Variants in CWC27 observed in about 807,000 individuals in gnomAD.
The protein encoded by CWC27 is CWC27 spliceosome associated cyclophilin, also known as spliceosome-associated protein CWC27 homolog.
In CWC27, 47 loss-of-function variants were observed where a neutral mutation model predicts 63.6. The ratio of observed to expected loss-of-function variants is 0.74; its 90% CI spans 0.58 to 0.94. CWC27 has a LOEUF of 0.94. Among genes scored for constraint, CWC27 ranks in the 40% least tolerant of loss-of-function variants. CWC27 has a pLI of 0.00. For missense variants in CWC27, 495 were observed against 554.3 expected, an observed-to-expected ratio of 0.89 and a Z score of 1.07; for synonymous variants, 175 against 179.8, an observed-to-expected ratio of 0.97 and a Z score of 0.22.
At chr5:64,888,921 G>T (rs1747152751) in intron 11 of CWC27, among the ~76,000 whole-genome samples, 1 of 152,100 alleles carries the variant, frequency 6.6e-6, no homozygotes, top group Non-Finnish European at 1.5e-5. Flanking sequence ...TTAACCAAGG[G>T]ATCGAGGTAA....
chr5:64,946,168 G>A (rs1748589057), intron 11 of CWC27, among the ~76,000 whole-genome samples: 1 of 152,068 alleles, frequency 6.6e-6, no homozygotes, highest in Non-Finnish European at 1.5e-5. Flanking sequence ...AATCAATTGA[G>A]TAAAGTGAGG....
intron 11 of CWC27, among the ~76,000 whole-genome samples, chr5:64,891,821 GTCTC>G (rs1315748912): frequency 9.0e-6 from 1 of 111,452 alleles, no homozygotes; most frequent in Non-Finnish European, 2.1e-5. Flanking sequence ...TTGTTACAGA[GTCTC>G]TCTCTGTCTC....
chr5:64,964,708 G>A (rs927517471), intron 11 of CWC27, among the ~76,000 whole-genome samples: 10 of 152,182 alleles, frequency 6.6e-5, no homozygotes, highest in Non-Finnish European at 1.5e-4. Context: ...TCAGTGGTAA[G>A]ATCGTGTACC....
chr5:64,945,261 G>A (rs571692457), intron 11 of CWC27, among the ~76,000 whole-genome samples: 84 of 152,130 alleles, frequency 5.5e-4, no homozygotes, highest in Non-Finnish European at 7.8e-4. Context: ...TATACTATAT[G>A]TCTTATTAAT....
In CWC27 at chr5:64,885,563, C is replaced by T. The variant is rs201575731; in HGVS notation, c.1042+17C>T. ...GAAGTGAAGGTAAGGGCATTTATCA[C>T]GCTTATTTTTTCACTTGATACTCCT... On this transcript the variant is annotated intron_variant, in intron 11 of 13. Coordinates refer to ENST00000381070, the MANE Select transcript of CWC27 (RefSeq NM_005869.4). 408 of 1,564,228 alleles carry T rather than the reference C, an allele frequency of 2.6e-4. 3 individuals are homozygous for T. The African/African-American group carries it at 3.9e-3, about 15-fold the overall frequency.
intron 11 of CWC27, among the ~76,000 whole-genome samples, chr5:64,957,474 G>A (rs1039783974): frequency 1.3e-5 from 2 of 152,190 alleles, no homozygotes; most frequent in African/African-American, 4.8e-5. Flanking sequence ...CTGTGTGCTA[G>A]TCCAGAGGTT....
Position 65,018,230 on chromosome 5 carries a change from C to G in CWC27, c.1328C>G (p.Thr443Arg). Residue 443 changes from threonine (T) to arginine (R), a missense_variant, in exon 14 of 14, where the codon ACA (threonine) becomes AGA (arginine). Physicochemically the swap from Thr to Arg is moderately conservative, Grantham distance 71. Coordinates refer to ENST00000381070, the MANE Select transcript of CWC27 (RefSeq NM_005869.4). Reference protein sequence around the residue: ...VKDASMQDSDTFEIYDPRNPV... With the variant: ...VKDASMQDSDRFEIYDPRNPV... ...GATGCAAGCATGCAAGACTCAGATA[C>G]ATTTGAAATCTATGATCCTCGGAAT... 1.2e-6 allele frequency: 2 copies of G among 1,608,646 alleles called. No individual in the cohort carries two copies. The highest frequency in any genetic ancestry group is 1.7e-6 in the Non-Finnish European group (2 of 1,177,868).
Position 64,971,831 on chromosome 5 carries a change from A to C in CWC27, c.1152+19A>C. ...AGATCAGGTAACTTCAAAAACCCAA[A>C]TCCATACAGAACTTATTGTCTTTTT... On this transcript the variant is annotated intron_variant, in intron 12 of 13. Coordinates refer to ENST00000381070, the MANE Select transcript of CWC27 (RefSeq NM_005869.4). 6.7e-7 allele frequency: 1 copy of C among 1,486,104 alleles called. No homozygotes were observed. The highest frequency in any genetic ancestry group is 9.3e-7 in the Non-Finnish European group (1 of 1,073,732). 92.1% of individuals were successfully genotyped at this position (1,486,104 alleles called of 1,614,324 possible). A position where few individuals can be genotyped will look rare whatever the true frequency, so the allele number is the denominator to read the frequency against.
At chr5:64,872,550 A>G (rs909820113) in intron 10 of CWC27, among the ~76,000 whole-genome samples, 7 of 152,000 alleles carry the variant, frequency 4.6e-5, no homozygotes, top group Non-Finnish European at 8.8e-5. Context: ...CTTCCACCTC[A>G]TTTTTTTCTT....
At chr5:64,937,028 G>A (rs1355237993) in intron 11 of CWC27, among the ~76,000 whole-genome samples, 5 of 151,600 alleles carry the variant, frequency 3.3e-5, no homozygotes, top group Non-Finnish European at 7.4e-5. Context: ...CTATTTTGTT[G>A]ATATTTTCAA....
intron 13 of CWC27, among the ~76,000 whole-genome samples, chr5:65,006,197 T>C (rs1042135544): frequency 4.6e-5 from 7 of 152,214 alleles, no homozygotes; most frequent in African/African-American, 1.7e-4. Context: ...AAAGTATTAG[T>C]CATATTTAGG....
intron 10 of CWC27, among the ~76,000 whole-genome samples, chr5:64,856,987 T>C (rs931272916): frequency 1.3e-5 from 2 of 152,116 alleles, no homozygotes; most frequent in Admixed American, 1.3e-4. Flanking sequence ...CAATAAAGAA[T>C]AGTAGTATTT....
intron 11 of CWC27, among the ~76,000 whole-genome samples, chr5:64,958,812 A>G (rs1041602867): frequency 2.0e-5 from 3 of 152,184 alleles, no homozygotes; most frequent in Non-Finnish European, 4.4e-5. Context: ...CAATGAAGCT[A>G]GGATAAACTA....
chr5:64,970,466 C>A (rs1480156989), intron 11 of CWC27, among the ~76,000 whole-genome samples: 1 of 152,122 alleles, frequency 6.6e-6, no homozygotes, highest in African/African-American at 2.4e-5. Context: ...CCCACCTCGG[C>A]CTCCGAAAGT....
At chr5:65,005,298 T>G (rs1749822168) in intron 13 of CWC27, among the ~76,000 whole-genome samples, 1 of 151,952 alleles carries the variant, frequency 6.6e-6, no homozygotes, top group Admixed American at 6.6e-5. Flanking sequence ...CACCTCCAGA[T>G]GGTACTTGCA....
chr5:64,959,879 A>G (rs1748874223), intron 11 of CWC27, among the ~76,000 whole-genome samples: 1 of 152,234 alleles, frequency 6.6e-6, no homozygotes, highest in African/African-American at 2.4e-5. Flanking sequence ...AGTTCTTGCC[A>G]TGTGAGTTTA....
chr5:64,771,495 C>T (rs1423529), intron 1 of CWC27, among the ~76,000 whole-genome samples: 1,971 of 152,212 alleles, frequency 0.013, 41 homozygotes, highest in African/African-American at 0.044. Context: ...TAGTACTTGA[C>T]AGAAAGTTTT....
At position 64,871,751 on chromosome 5, in the gene CWC27, C is replaced by T. The variant is rs116388184; in HGVS notation, c.939-13692C>T. Reference sequence around the variant, plus strand: ...GCAAGCAAATCACAGAGCCCCAAGGCCAAAAAGATGTGATACACTTGATTT... The same window carrying T: ...GCAAGCAAATCACAGAGCCCCAAGGTCAAAAAGATGTGATACACTTGATTT... On this transcript the variant is annotated intron_variant, in intron 10 of 13. Transcript: ENST00000381070. Among the ~76,000 whole-genome samples the T allele has an allele frequency of 6.1e-3, 924 of 152,156 alleles. 12 individuals carry two copies. The highest frequency in any genetic ancestry group is 0.022 in the African/African-American group (896 of 41,504).
intron 10 of CWC27, among the ~76,000 whole-genome samples, chr5:64,810,981 T>A (rs990691574): frequency 2.0e-4 from 30 of 152,120 alleles, no homozygotes; most frequent in Admixed American, 1.9e-3. Context: ...GTGTTTCTAA[T>A]GTTTTTTTAA....
Sources: allele counts gnomAD v4.1 joint callset (sites outside exome capture counted in the v4.1 genomes callset), GRCh38; gene constraint gnomAD v4.1.1; transcripts MANE v1.5; gene names NCBI Gene and HGNC (gene_info 2026-07-23, HGNC 2026-07-21).